Variants in CCNJL observed in about 807,000 individuals in gnomAD.
CCNJL encodes the protein cyclin-J-like protein.
In CCNJL, 33 loss-of-function variants were observed where a neutral mutation model predicts 33.4. The ratio of observed to expected loss-of-function variants is 0.99; its 90% CI spans 0.75 to 1.32. The LOEUF is 1.32. CCNJL is among the 40% of genes most tolerant of loss of function. The pLI is 0.00. For missense variants in CCNJL, 512 were observed against 499.7 expected, an observed-to-expected ratio of 1.02 and a Z score of -0.23; for synonymous variants, 227 against 220.9, an observed-to-expected ratio of 1.03 and a Z score of -0.24.
chr5:160,260,622 G>A (rs375996305), intron 3 of CCNJL, among the ~76,000 whole-genome samples: 3 of 152,148 alleles, frequency 2.0e-5, no homozygotes, highest in African/African-American at 7.2e-5. Flanking sequence ...AGGGGCTGGT[G>A]GGGGGGCATG....
intron 2 of CCNJL, among the ~76,000 whole-genome samples, chr5:160,283,947 G>C (rs1022583099): frequency 6.6e-6 from 1 of 152,138 alleles, no homozygotes; most frequent in African/African-American, 2.4e-5. Context: ...CAAATGACAG[G>C]ATCTCACTCT....
At chr5:160,283,290 T>C (rs914306732) in intron 2 of CCNJL, among the ~76,000 whole-genome samples, 4 of 152,014 alleles carry the variant, frequency 2.6e-5, no homozygotes, top group East Asian at 1.9e-4. Flanking sequence ...ATGTCCAGAA[T>C]AGGCAAATCC....
chr5:160,335,734 A>AT (rs1362582507), intron 1 of CCNJL, among the ~76,000 whole-genome samples: 39 of 134,216 alleles, frequency 2.9e-4, no homozygotes, highest in South Asian at 5.0e-4. Flanking sequence ...ATCATGTCTA[A>AT]TTTTTTTTTT....
chr5:160,300,327 GC>G (rs1204646244), intron 2 of CCNJL, among the ~76,000 whole-genome samples: 1 of 152,138 alleles, frequency 6.6e-6, no homozygotes, highest in Non-Finnish European at 1.5e-5. Flanking sequence ...CCCTCATCCA[GC>G]CCTTGATGCA....
At chr5:160,313,673 TAATG>T (rs747221937), upstream of CCNJL, among the ~76,000 whole-genome samples, 36 of 152,244 alleles carry the variant, frequency 2.4e-4, no homozygotes, top group African/African-American at 7.7e-4. Context: ...TGCAGGCTCT[TAATG>T]AAGACATTAC....
upstream of CCNJL, among the ~76,000 whole-genome samples, chr5:160,316,420 T>TA (rs5872639): frequency 4.2e-4 from 63 of 149,320 alleles, no homozygotes; most frequent in South Asian, 6.3e-4. Flanking sequence ...TATATATCCC[T>TA]AAAAAAAAAA....
At chr5:160,284,457 T>C (rs1762342885) in intron 2 of CCNJL, among the ~76,000 whole-genome samples, 1 of 152,250 alleles carries the variant, frequency 6.6e-6, no homozygotes, top group African/African-American at 2.4e-5. Context: ...CCCACAGTCA[T>C]GGAGTCCACA....
chr5:160,296,458 AT>A (rs1196232151), intron 2 of CCNJL, among the ~76,000 whole-genome samples: 1 of 152,182 alleles, frequency 6.6e-6, no homozygotes, highest in Non-Finnish European at 1.5e-5. Flanking sequence ...TTTTGACCCT[AT>A]TGTCTACAAC....
intron 3 of CCNJL, chr5:160,276,363 T>G (rs1323270896): frequency 6.9e-6 from 1 of 145,282 alleles, no homozygotes; most frequent in African/African-American, 2.6e-5. Context: ...TGCAATGAGC[T>G]GAGATCATGC....
intron 1 of CCNJL, among the ~76,000 whole-genome samples, chr5:160,321,700 G>C (rs1296353676): frequency 2.0e-5 from 3 of 152,118 alleles, no homozygotes; most frequent in Non-Finnish European, 4.4e-5. Flanking sequence ...CCAGCACTTT[G>C]GGAGGCAGAG....
upstream of CCNJL, among the ~76,000 whole-genome samples, chr5:160,314,921 T>A (rs1431095586): frequency 2.0e-5 from 3 of 152,208 alleles, no homozygotes; most frequent in African/African-American, 7.2e-5. Flanking sequence ...TTGTTGGGAA[T>A]ATAAATTAAG....
intron 1 of CCNJL, among the ~76,000 whole-genome samples, chr5:160,326,513 A>G (rs1763538383): frequency 1.4e-5 from 2 of 146,180 alleles, no homozygotes; most frequent in South Asian, 2.2e-4. Context: ...AAAAAAAGCC[A>G]TTATGCCATA....
intron 5 of CCNJL, 48 bp downstream of exon 5, chr5:160,255,501 G>A: frequency 6.3e-7 from 1 of 1,590,980 alleles, no homozygotes; most frequent in Non-Finnish European, 8.6e-7. Flanking sequence ...CTCAAGGCAA[G>A]AGGAACCTCA....
At chr5:160,305,313 A>C (rs1481575463) in intron 2 of CCNJL, among the ~76,000 whole-genome samples, 2 of 152,222 alleles carry the variant, frequency 1.3e-5, no homozygotes, top group Admixed American at 1.3e-4. Flanking sequence ...TTCTACCACT[A>C]TCCAGCTGTC....
At chr5:160,259,905 A>T (rs1344682782) in intron 3 of CCNJL, 134 bp from the exon 4 acceptor site, 3 of 701,044 alleles carry the variant, frequency 4.3e-6, no homozygotes, top group Non-Finnish European at 7.3e-6. Flanking sequence ...CTGCGGAGGA[A>T]TAGGAGCACA....
intron 2 of CCNJL, among the ~76,000 whole-genome samples, chr5:160,286,545 C>T (rs1489627856): frequency 1.3e-5 from 2 of 151,762 alleles, no homozygotes; most frequent in Admixed American, 6.6e-5. Context: ...GGCTGAGGCA[C>T]GAGAATCACT....
chr5:160,291,705 C>T (rs538797761), intron 2 of CCNJL, among the ~76,000 whole-genome samples: 2 of 152,296 alleles, frequency 1.3e-5, no homozygotes, highest in Admixed American at 6.5e-5. Context: ...AAAAGCTTGC[C>T]GAGATTAAGA....
chr5:160,320,850 C>T (rs12515196), intron 1 of CCNJL, among the ~76,000 whole-genome samples: 17,778 of 52,936 alleles, frequency 0.34, 1,677 homozygotes, highest in Non-Finnish European at 0.35. Flanking sequence ...TCTTTCTTTC[C>T]TTCTTTCTTT....
chr5:160,258,392 C>A, intron 4 of CCNJL: 1 of 801,504 alleles, frequency 1.2e-6, no homozygotes, highest in Non-Finnish European at 2.2e-6. Flanking sequence ...GTGAAAGAAG[C>A]CATAAGAAGG....
Sources: allele counts gnomAD v4.1 joint callset (sites outside exome capture counted in the v4.1 genomes callset), GRCh38; gene constraint gnomAD v4.1.1; transcripts MANE v1.5; gene names NCBI Gene and HGNC (gene_info 2026-07-23, HGNC 2026-07-21).